Variants in MUC13 observed in about 807,000 individuals in gnomAD.
The protein encoded by MUC13 is mucin 13, cell surface associated, also known as mucin-13.
MUC13 carries 32 observed loss-of-function variants against 48.3 expected under a neutral mutation model. The observed-to-expected ratio is 0.66, with a 90% CI of 0.50 to 0.89. MUC13 has a LOEUF of 0.89. Ranked by LOEUF, MUC13 falls within the 40% of genes least tolerant of loss-of-function variation. The probability of loss-of-function intolerance (pLI) is 0.00; values close to 1 mark genes in which losing one functional copy is unlikely to be tolerated. For synonymous variants in MUC13, 199 were observed against 224.9 expected (o/e 0.88, Z 1.03); for missense variants, 571 against 622.8 (o/e 0.92, Z 0.88).
chr3:124,914,908 AG>A (rs1241536689), intron 6 of MUC13, among the ~76,000 whole-genome samples: 1 of 152,202 alleles, frequency 6.6e-6, no homozygotes, highest in East Asian at 1.9e-4. Context: ...CCTGGGCAAC[AG>A]TGTGAGACCC....
At chr3:124,910,355 G>A (rs1467107271) in intron 10 of MUC13, 60 bp downstream of exon 10, 1 of 1,580,868 alleles carries the variant, frequency 6.3e-7, no homozygotes. Flanking sequence ...GCAACATAGT[G>A]AGACCCCCCC....
At chr3:124,931,358 G>A (rs1435559666) in intron 1 of MUC13, among the ~76,000 whole-genome samples, 1 of 151,348 alleles carries the variant, frequency 6.6e-6, no homozygotes, top group Non-Finnish European at 1.5e-5. Flanking sequence ...TTGAACCCAG[G>A]AGGCAGAGGT....
At chr3:124,927,500 C>T in intron 2 of MUC13, 32 bp downstream of exon 2, 3 of 1,595,128 alleles carry the variant, frequency 1.9e-6, no homozygotes, top group South Asian at 1.1e-5. Flanking sequence ...TACTCTCCAT[C>T]CTTGGGGAGT....
intron 5 of MUC13, among the ~76,000 whole-genome samples, chr3:124,919,631 G>T (rs1441241938): frequency 6.6e-6 from 1 of 152,174 alleles, no homozygotes; most frequent in Non-Finnish European, 1.5e-5. Context: ...CTAAGTACGT[G>T]TGTATTAATG....
chr3:124,933,852 C>G (rs114976502), intron 1 of MUC13, among the ~76,000 whole-genome samples: 1 of 152,166 alleles, frequency 6.6e-6, no homozygotes, highest in South Asian at 2.1e-4. Flanking sequence ...CTCCACAACC[C>G]TCACCTCTCA....
In MUC13 at chr3:124,913,093, C is replaced by T; in HGVS notation, c.1214+18G>A. The T allele has an allele frequency of 6.2e-7, 1 of 1,612,446 alleles. No individual in the cohort carries two copies. Among genetic ancestry groups the T allele is most frequent in the Non-Finnish European group, 8.5e-7 (1 of 1,179,072 alleles). Reference sequence around the variant, plus strand: ...AGCTCCAGCTGTGGCAAGACAAAAACAAAGTTATTTTTCTTACTTTTGGCA... The same window carrying T: ...AGCTCCAGCTGTGGCAAGACAAAAATAAAGTTATTTTTCTTACTTTTGGCA... On this transcript the variant is annotated intron_variant, in intron 8 of 11. Transcript: ENST00000616727.
At chr3:124,931,406 T>TG in intron 1 of MUC13, among the ~76,000 whole-genome samples, 1 of 142,424 alleles carries the variant, frequency 7.0e-6, no homozygotes, top group East Asian at 2.0e-4. Context: ...CACTCCAGCC[T>TG]GGCAACAGAG....
intron 4 of MUC13, among the ~76,000 whole-genome samples, chr3:124,920,859 A>G (rs556448406): frequency 6.6e-6 from 1 of 152,352 alleles, no homozygotes; most frequent in African/African-American, 2.4e-5. Context: ...ATTTGAAAGC[A>G]GATCCAAGAT....
At chr3:124,928,346 G>A (rs566244075) in intron 1 of MUC13, among the ~76,000 whole-genome samples, 5 of 152,156 alleles carry the variant, frequency 3.3e-5, no homozygotes, top group African/African-American at 9.6e-5. Context: ...TGGAAAAAAT[G>A]TTATTGAAAA....
chr3:124,908,067 T>C, intron 11 of MUC13, 80 bp downstream of exon 11: 1 of 1,376,028 alleles, frequency 7.3e-7, no homozygotes, highest in Non-Finnish European at 1.0e-6. Flanking sequence ...CAGCCAAGGA[T>C]TGAAGATTCA....
chr3:124,929,021 A>G (rs750659975), intron 1 of MUC13, among the ~76,000 whole-genome samples: 1 of 152,194 alleles, frequency 6.6e-6, no homozygotes, highest in African/African-American at 2.4e-5. Flanking sequence ...ACAATTCTAG[A>G]TACATTGACT....
chr3:124,929,843 G>T (rs552887972), intron 1 of MUC13, among the ~76,000 whole-genome samples: 1 of 152,270 alleles, frequency 6.6e-6, no homozygotes, highest in East Asian at 1.9e-4. Context: ...AAAGTTATGG[G>T]GAAGGCCATC....
At chr3:124,913,073 C>T in intron 8 of MUC13, 38 bp downstream of exon 8, 16 of 1,606,966 alleles carry the variant, frequency 1.0e-5, no homozygotes, top group Non-Finnish European at 1.4e-5. Flanking sequence ...TGCCTAGCTC[C>T]AGCTGTGGCA....
chr3:124,927,870 T>G lies in MUC13; in HGVS notation c.176A>C (p.Asn59Thr). The stretch of plus-strand genomic sequence containing the variant: ...AGTAGCTGTTGGGAAAGAAGGTGTA[T>G]TTGCTGTGGTGCTAGCAGTTTCAGG... Reference protein sequence around the residue: ...NFPETASTTANTPSFPTATSP... With the variant: ...NFPETASTTATTPSFPTATSP... The change falls in exon 2 of 12, where the codon AAT becomes ACT. Residue 59 changes from asparagine to threonine, a missense_variant. By Grantham distance (65) the Asn-to-Thr change is moderately conservative. Coordinates refer to ENST00000616727, the MANE Select transcript of MUC13 (RefSeq NM_033049.4). 6.2e-7 allele frequency: 1 copy of G among 1,613,896 alleles called. No homozygotes were observed. Among genetic ancestry groups the G allele is most frequent in the Non-Finnish European group, 8.5e-7 (1 of 1,179,948 alleles).
intron 6 of MUC13, among the ~76,000 whole-genome samples, chr3:124,915,037 G>A (rs375905321): frequency 1.1e-4 from 17 of 152,188 alleles, no homozygotes; most frequent in South Asian, 1.0e-3. Context: ...TGGTGGATGC[G>A]GGCCCAGGAA....
At chr3:124,920,670 A>T (rs1471154751) in intron 4 of MUC13, among the ~76,000 whole-genome samples, 4 of 152,222 alleles carry the variant, frequency 2.6e-5, no homozygotes. Flanking sequence ...AGACCGGGGC[A>T]TAAGGCCTGT....
chr3:124,919,758 G>T (rs1245297210), intron 5 of MUC13, among the ~76,000 whole-genome samples: 1 of 152,100 alleles, frequency 6.6e-6, no homozygotes, highest in African/African-American at 2.4e-5. Context: ...ATAAGTGCTT[G>T]TTCTCACTGC....
chr3:124,912,047 T>C (rs1935427953), intron 9 of MUC13, 57 bp downstream of exon 9: 2 of 1,589,434 alleles, frequency 1.3e-6, no homozygotes, highest in African/African-American at 2.7e-5. Flanking sequence ...ATGGGGTCAC[T>C]ATTGATTTCT....
At chr3:124,924,715 G>A (rs1909582) in intron 2 of MUC13, among the ~76,000 whole-genome samples, 116,798 of 152,086 alleles carry the variant, frequency 0.77, 44,980 homozygotes, top group East Asian at 0.82. Flanking sequence ...TCTGGGTCCT[G>A]GGGGTTTAGG....
Sources: allele counts gnomAD v4.1 joint callset (sites outside exome capture counted in the v4.1 genomes callset), GRCh38; gene constraint gnomAD v4.1.1; transcripts MANE v1.5; gene names NCBI Gene and HGNC (gene_info 2026-07-23, HGNC 2026-07-21).